The following EFCAB6 variants were observed in gnomAD, a reference collection of about 807,000 sequenced individuals.
The protein encoded by EFCAB6 is EF-hand calcium-binding domain-containing protein 6.
In EFCAB6, 156 loss-of-function variants were observed where a neutral mutation model predicts 169.8. The ratio of observed to expected loss-of-function variants is 0.92; its 90% CI spans 0.81 to 1.05. The LOEUF is 1.05. Among genes scored for constraint, EFCAB6 ranks in the 50% least tolerant of loss-of-function variants. The probability of loss-of-function intolerance (pLI) is 0.00; values close to 1 mark genes in which losing one functional copy is unlikely to be tolerated. For synonymous variants in EFCAB6, 698 were observed against 676.4 expected, an observed-to-expected ratio of 1.03 and a Z score of -0.50; for missense variants, 1,800 against 1,829.1, an observed-to-expected ratio of 0.98 and a Z score of 0.29.
At chr22:43,724,849 A>G (rs1338002613) in intron 8 of EFCAB6, among the ~76,000 whole-genome samples, 1 of 152,186 alleles carries the variant, frequency 6.6e-6, no homozygotes, top group Non-Finnish European at 1.5e-5. Context: ...GCCTTTGCCA[A>G]TTACCTAGTT....
At position 43,576,500 on chromosome 22, in the gene EFCAB6, G is replaced by T; in HGVS notation, c.3229-12C>A. ...AATGCAGAAAATGCCTAAAAAGAAA[G>T]AAAAGAAAAAAAGATGGCAAATCCT... On this transcript the variant is annotated splice_polypyrimidine_tract_variant and intron_variant, in intron 25 of 31. Transcript: ENST00000262726. 1 of 1,505,066 alleles carries T rather than the reference G, an allele frequency of 6.6e-7. No homozygotes were observed. Among genetic ancestry groups the T allele is most frequent in the South Asian group, 1.4e-5 (1 of 73,092 alleles). The allele number at this position is 1,505,066 out of a possible 1,614,324, so 93.2% of individuals were successfully genotyped here.
At chr22:43,676,921 G>C (rs2057786329) in intron 13 of EFCAB6, among the ~76,000 whole-genome samples, 1 of 152,116 alleles carries the variant, frequency 6.6e-6, no homozygotes. Flanking sequence ...CCTAAAGCAA[G>C]GCACCCCATT....
At chr22:43,640,419 T>C (rs1407076388) in intron 17 of EFCAB6, among the ~76,000 whole-genome samples, 1 of 152,224 alleles carries the variant, frequency 6.6e-6, no homozygotes. Context: ...GTTCAGTTCT[T>C]GTATCCTTAG....
chr22:43,608,458 C>A, intron 22 of EFCAB6, 24 bp downstream of exon 22: 2 of 1,609,060 alleles, frequency 1.2e-6, no homozygotes, highest in Non-Finnish European at 1.7e-6. Flanking sequence ...GAATGGAAAC[C>A]AACCAGTCTC....
intron 12 of EFCAB6, among the ~76,000 whole-genome samples, chr22:43,679,927 T>C (rs532183023): frequency 2.0e-3 from 302 of 152,322 alleles, no homozygotes; most frequent in African/African-American, 7.1e-3. Context: ...TCCCAGTCTG[T>C]GGCTTGTCTT....
intron 22 of EFCAB6, among the ~76,000 whole-genome samples, chr22:43,603,007 C>T: frequency 6.6e-6 from 1 of 151,838 alleles, no homozygotes; most frequent in Admixed American, 6.6e-5. Flanking sequence ...AAATTCACAG[C>T]ATTCAGCAAC....
rs144197136 is a variant in EFCAB6 at position 43,770,436 on chromosome 22, T to A, written c.351+2456A>T. Reference sequence around the variant, plus strand: ...GGTCAACCTTGAGGTGACTAACATGTGAAAATTACTAGACAAGAACTTTAA... The same window carrying A: ...GGTCAACCTTGAGGTGACTAACATGAGAAAATTACTAGACAAGAACTTTAA... On this transcript the variant is annotated intron_variant, in intron 4 of 31. Coordinates refer to ENST00000262726, the MANE Select transcript of EFCAB6 (RefSeq NM_022785.4). Among the ~76,000 whole-genome samples, 1,358 of 152,338 alleles carry A rather than the reference T, an allele frequency of 8.9e-3. 20 individuals are homozygous for A. Among genetic ancestry groups the A allele is most frequent in the African/African-American group, 0.032 (1,314 of 41,558 alleles).
chr22:43,762,526 C>A (rs964456898), intron 5 of EFCAB6, among the ~76,000 whole-genome samples: 14 of 152,252 alleles, frequency 9.2e-5, no homozygotes, highest in Admixed American at 9.2e-4. Flanking sequence ...TGCCTTTTAT[C>A]CAGCATTTTA....
In EFCAB6 at chr22:43,604,085, G is replaced by T. The variant is rs561981485; in HGVS notation, c.2682-3822C>A. The stretch of plus-strand genomic sequence containing the variant: ...CTTTTTTTTTCCTTCCACCATGATT[G>T]TAAGTTTCCTGAGGCCTTCCCAGAA... On this transcript the variant is annotated intron_variant, in intron 22 of 31. Transcript: ENST00000262726. 2.0e-5 allele frequency among the ~76,000 whole-genome samples: 3 copies of T among 151,942 alleles called. No homozygotes were observed. The South Asian group carries it at 6.2e-4, about 32-fold the overall frequency.
At position 43,564,176 on chromosome 22, in the gene EFCAB6, G is replaced by A. The variant is rs867937361; in HGVS notation, c.3421-9080C>T. Among the ~76,000 whole-genome samples the A allele has an allele frequency of 2.6e-4, 39 of 152,264 alleles. No homozygotes were observed. In the South Asian group the frequency reaches 5.0e-3, roughly 19 times the overall value. On this transcript the variant is annotated intron_variant, in intron 26 of 31. Coordinates refer to ENST00000262726, the MANE Select transcript of EFCAB6 (RefSeq NM_022785.4). The stretch of plus-strand genomic sequence containing the variant: ...TAGGAAGGAGCTGTTGGCCAGGCAC[G>A]GTAGCTCACACCTGTAATCCCAGCA...
chr22:43,568,416 G>C (rs929974743), intron 26 of EFCAB6, among the ~76,000 whole-genome samples: 2 of 152,162 alleles, frequency 1.3e-5, no homozygotes, highest in African/African-American at 4.8e-5. Flanking sequence ...AGAATCACTG[G>C]TGCGACTCAA....
intron 2 of EFCAB6, among the ~76,000 whole-genome samples, chr22:43,796,837 T>C (rs1239230999): frequency 1.3e-5 from 2 of 152,168 alleles, no homozygotes; most frequent in Non-Finnish European, 2.9e-5. Flanking sequence ...CTGCCACCTA[T>C]TGCAGGAAAT....
chr22:43,681,343 C>T (rs1268316877), intron 12 of EFCAB6, among the ~76,000 whole-genome samples: 3 of 152,186 alleles, frequency 2.0e-5, no homozygotes, highest in Admixed American at 1.3e-4. Flanking sequence ...CCATGTGTTG[C>T]TGGATTCGGT....
intron 7 of EFCAB6, 79 bp from the exon 8 acceptor site, chr22:43,731,890 A>G (rs2059964747): frequency 1.4e-6 from 1 of 738,860 alleles, no homozygotes; most frequent in Non-Finnish European, 2.0e-6. Flanking sequence ...TATCCTTTAC[A>G]CTCGGGCTGG....
intron 23 of EFCAB6, among the ~76,000 whole-genome samples, chr22:43,596,166 C>CTT (rs1436715722): frequency 6.6e-6 from 1 of 151,938 alleles, no homozygotes; most frequent in Non-Finnish European, 1.5e-5. Flanking sequence ...AGTTGAAAGT[C>CTT]TTTACACTAA....
rs139389166 is a variant in EFCAB6, at chr22:43,576,399, C to T, written c.3318G>A (p.Thr1106=). The T allele has an allele frequency of 2.5e-5, 40 of 1,606,544 alleles. No individual in the cohort carries two copies. The highest frequency in any genetic ancestry group is 1.7e-4 in the African/African-American group (13 of 74,396). ...QVLKDFCYKL[T]DNQYHYFLRK... ...TCAAAAAATAATGATACTGATTGTC[C>T]GTTAGTTTGTAACAGAAATCCTTAA... Residue 1106 remains threonine, a synonymous_variant, in exon 26 of 32, where the codon ACG becomes ACA. Transcript: ENST00000262726.
intron 26 of EFCAB6, among the ~76,000 whole-genome samples, chr22:43,564,183 C>A (rs1463431339): frequency 6.6e-6 from 1 of 152,170 alleles, no homozygotes; most frequent in African/African-American, 2.4e-5. Flanking sequence ...CACGGTAGCT[C>A]ACACCTGTAA....
At chr22:43,757,534 C>T (rs894184821) in intron 5 of EFCAB6, among the ~76,000 whole-genome samples, 5 of 152,108 alleles carry the variant, frequency 3.3e-5, no homozygotes, top group Non-Finnish European at 7.4e-5. Context: ...ACAACAACAG[C>T]GAAACTCCAT....
chr22:43,756,574 A>G (rs2060965602), intron 5 of EFCAB6, among the ~76,000 whole-genome samples: 1 of 152,132 alleles, frequency 6.6e-6, no homozygotes, highest in Admixed American at 6.5e-5. Context: ...CCTCCACTTT[A>G]CAATGTCTGT....
Sources: allele counts gnomAD v4.1 joint callset (sites outside exome capture counted in the v4.1 genomes callset), GRCh38; gene constraint gnomAD v4.1.1; transcripts MANE v1.5; gene names NCBI Gene and HGNC (gene_info 2026-07-23, HGNC 2026-07-21).